Variants in ANXA4 observed in about 807,000 individuals in gnomAD.
ANXA4 encodes the protein annexin A4.
ANXA4 carries 39 observed loss-of-function variants against 49.8 expected under a neutral mutation model. The ratio of observed to expected loss-of-function variants is 0.78; its 90% CI spans 0.61 to 1.02. ANXA4 has a LOEUF of 1.02. ANXA4 is among the 50% of genes least tolerant of loss of function. The probability of loss-of-function intolerance (pLI) is 0.00; values close to 1 mark genes in which losing one functional copy is unlikely to be tolerated. For synonymous variants in ANXA4, 134 were observed against 152.5 expected, an observed-to-expected ratio of 0.88 and a Z score of 0.89; for missense variants, 360 against 410.1, an observed-to-expected ratio of 0.88 and a Z score of 1.05.
intron 2 of ANXA4, among the ~76,000 whole-genome samples, chr2:69,706,140 A>G (rs998809899): frequency 2.0e-4 from 30 of 151,754 alleles, no homozygotes; most frequent in Non-Finnish European, 3.7e-4. Flanking sequence ...GCTATTTCTA[A>G]GATACTAAGA....
At chr2:69,650,186 T>C (rs1037422945) in intron 1 of ANXA4, among the ~76,000 whole-genome samples, 1 of 152,088 alleles carries the variant, frequency 6.6e-6, no homozygotes, top group African/African-American at 2.4e-5. Context: ...TCCACTCACC[T>C]CAGCCTCCCA....
intron 2 of ANXA4, among the ~76,000 whole-genome samples, chr2:69,714,839 C>T (rs13386995): frequency 3.9e-5 from 6 of 152,338 alleles, no homozygotes; most frequent in African/African-American, 1.4e-4. Flanking sequence ...CCACAACGCC[C>T]CCTGCTGCCC....
upstream of ANXA4, among the ~76,000 whole-genome samples, chr2:69,740,651 TTTTC>T (rs1186512265): frequency 6.7e-6 from 1 of 149,434 alleles, no homozygotes; most frequent in Non-Finnish European, 1.5e-5. Flanking sequence ...TCTTTTCTTT[TTTTC>T]TTTCTTTTTC....
chr2:69,697,311 T>C (rs1030244338), intron 2 of ANXA4, among the ~76,000 whole-genome samples: 8 of 152,212 alleles, frequency 5.3e-5, no homozygotes, highest in African/African-American at 1.9e-4. Context: ...CCTCAGACTT[T>C]TGTTCTGCAG....
At chr2:69,770,910 G>A (rs1234014546) in intron 1 of ANXA4, among the ~76,000 whole-genome samples, 1 of 150,834 alleles carries the variant, frequency 6.6e-6, no homozygotes, top group Non-Finnish European at 1.5e-5. Context: ...GCAATGCAGC[G>A]AGGCCTTGTC....
chr2:69,653,679 CT>C (rs1676335653), intron 2 of ANXA4, among the ~76,000 whole-genome samples: 3 of 152,200 alleles, frequency 2.0e-5, no homozygotes, highest in Admixed American at 2.0e-4. Flanking sequence ...AAGCTGAGAA[CT>C]CTTAAAAATG....
At chr2:69,696,636 C>T (rs2136439) in intron 2 of ANXA4, among the ~76,000 whole-genome samples, 25,721 of 152,090 alleles carry the variant, frequency 0.17, 2,563 homozygotes, top group East Asian at 0.37. Context: ...ATGGCAGCTA[C>T]AGCCTTACAA....
chr2:69,717,152 G>T lies in ANXA4; in HGVS notation n.767-3622G>T, dbSNP rs1430118439. ...CTGACGCCCTGAGGGTGCAGGAGGTGGCTGAAGATGAATATTCTCCAATTC... is the reference window on the plus strand; with the variant it reads ...CTGACGCCCTGAGGGTGCAGGAGGTTGCTGAAGATGAATATTCTCCAATTC... On this transcript the variant is annotated intron_variant and non_coding_transcript_variant, in intron 2 of 3. Transcript: ENST00000418066. Among the ~76,000 whole-genome samples, 4 of 152,328 alleles carry T rather than the reference G, an allele frequency of 2.6e-5. No homozygotes were observed. In the East Asian group the frequency reaches 7.7e-4, roughly 29 times the overall value.
upstream of ANXA4, among the ~76,000 whole-genome samples, chr2:69,644,174 C>G (rs1036227068): frequency 3.3e-5 from 2 of 60,194 alleles, no homozygotes; most frequent in East Asian, 3.9e-4. Context: ...TTCCCCCCCC[C>G]CCCCCCCCGC....
At chr2:69,810,461 T>G (rs1258261625) in intron 6 of ANXA4, 133 bp from the exon 7 acceptor site, 30 of 688,144 alleles carry the variant, frequency 4.4e-5, no homozygotes, top group South Asian at 3.6e-4. Context: ...AAACTGTGTG[T>G]GGGGTGAAAA....
At chr2:69,728,458 C>T (rs1670018005) in intron 3 of ANXA4, among the ~76,000 whole-genome samples, 1 of 152,200 alleles carries the variant, frequency 6.6e-6, no homozygotes, top group Non-Finnish European at 1.5e-5. Flanking sequence ...CCTTCACCTA[C>T]CACAAGGTCA....
chr2:69,794,870 G>C (rs1391549827), intron 3 of ANXA4, among the ~76,000 whole-genome samples: 3 of 152,140 alleles, frequency 2.0e-5, no homozygotes, highest in Non-Finnish European at 4.4e-5. Context: ...CTTTTATGAG[G>C]TGGTATAAAG....
At chr2:69,716,523 G>A (rs917462293) in intron 2 of ANXA4, among the ~76,000 whole-genome samples, 4 of 152,154 alleles carry the variant, frequency 2.6e-5, no homozygotes, top group African/African-American at 7.2e-5. Flanking sequence ...ATCAGGGAAG[G>A]CCTTGTTTGT....
chr2:69,710,925 A>G (rs1434320499), intron 2 of ANXA4, among the ~76,000 whole-genome samples: 1 of 152,210 alleles, frequency 6.6e-6, no homozygotes, highest in Non-Finnish European at 1.5e-5. Context: ...CACTTACTAT[A>G]CAACCCGGCA....
chr2:69,727,903 T>G (rs149839116), intron 3 of ANXA4, among the ~76,000 whole-genome samples: 67 of 152,328 alleles, frequency 4.4e-4, no homozygotes, highest in African/African-American at 1.5e-3. Context: ...TTAACCTAAG[T>G]CAGTTCTTCA....
At chr2:69,651,831 G>T (rs1346394630) in intron 1 of ANXA4, among the ~76,000 whole-genome samples, 8 of 13,564 alleles carry the variant, frequency 5.9e-4, no homozygotes, top group African/African-American at 2.9e-3. Context: ...GGGGGGGGGC[G>T]GGGAGACAGA....
chr2:69,779,142 A>T (rs2103650078), intron 1 of ANXA4, among the ~76,000 whole-genome samples: 1 of 149,598 alleles, frequency 6.7e-6, no homozygotes, highest in Admixed American at 6.7e-5. Context: ...AAGGAAAGAG[A>T]AGTCAGAATG....
At chr2:69,818,355 C>T (rs970272805) in intron 9 of ANXA4, 2 of 266,900 alleles carry the variant, frequency 7.5e-6, no homozygotes, top group Non-Finnish European at 1.4e-5. Context: ...GTGTGAGGGT[C>T]CCAGATAAGG....
intron 1 of ANXA4, among the ~76,000 whole-genome samples, chr2:69,752,310 G>A (rs1573194411): frequency 6.6e-6 from 1 of 152,332 alleles, no homozygotes; most frequent in East Asian, 1.9e-4. Flanking sequence ...TCCCATGTAA[G>A]GAACTGCTGG....
Sources: allele counts gnomAD v4.1 joint callset (sites outside exome capture counted in the v4.1 genomes callset), GRCh38; gene constraint gnomAD v4.1.1; transcripts MANE v1.5; gene names NCBI Gene and HGNC (gene_info 2026-07-23, HGNC 2026-07-21).